The following LYSMD3 variants were observed in gnomAD, a reference collection of about 807,000 sequenced individuals.
LYSMD3 encodes the protein lysM and putative peptidoglycan-binding domain-containing protein 3.
A neutral mutation model predicts 26.1 loss-of-function variants in LYSMD3; 13 were observed. The ratio of observed to expected loss-of-function variants is 0.50; its 90% CI spans 0.32 to 0.79. The LOEUF (loss-of-function observed/expected upper bound fraction) is 0.79. Ranked by LOEUF, LYSMD3 falls within the 30% of genes least tolerant of loss-of-function variation. The probability of loss-of-function intolerance (pLI) is 0.03; values close to 1 mark genes in which losing one functional copy is unlikely to be tolerated. For missense variants in LYSMD3, 331 were observed against 362.5 expected, an observed-to-expected ratio of 0.91 and a Z score of 0.71; for synonymous variants, 109 against 119.4, an observed-to-expected ratio of 0.91 and a Z score of 0.57.
At chr5:90,521,774 T>C (rs1753094822) in intron 2 of LYSMD3, among the ~76,000 whole-genome samples, 1 of 152,104 alleles carries the variant, frequency 6.6e-6, no homozygotes, top group Non-Finnish European at 1.5e-5. Flanking sequence ...CTATGCCAAC[T>C]TCCTTGGTTG....
In LYSMD3 at chr5:90,518,963, T is replaced by C. The variant is rs200915022; in HGVS notation, c.777A>G (p.Leu259=). 8.5e-5 allele frequency: 137 copies of C among 1,614,086 alleles called. No individual in the cohort carries two copies. The African/African-American group carries it at 1.5e-3, about 17-fold the overall frequency. Residue 259 remains leucine (L), a synonymous_variant, in exon 3 of 3, where the codon TTA becomes TTG. Transcript: ENST00000315948. The part of the protein sequence containing the change: ...SHHSTVDSSH[L]HSKITPPSQQ... ...GTGATGGGGGTGTGATTTTTGAATG[T>C]AAATGTGAAGAGTCCACTGTTGAAT... is the stretch of plus-strand genomic sequence containing the variant.
intron 2 of LYSMD3, among the ~76,000 whole-genome samples, chr5:90,524,141 C>CT (rs754967948): frequency 1.3e-5 from 2 of 152,016 alleles, no homozygotes; most frequent in Non-Finnish European, 2.9e-5. Flanking sequence ...AGGGCAATGG[C>CT]TTAAAAATAC....
chr5:90,523,920 C>T (rs1405631605), intron 2 of LYSMD3, among the ~76,000 whole-genome samples: 1 of 152,068 alleles, frequency 6.6e-6, no homozygotes, highest in Non-Finnish European at 1.5e-5. Flanking sequence ...CCTGCTAAGG[C>T]CTCAAGATGG....
Position 90,516,631 on chromosome 5 carries a change from T to C in LYSMD3, c.*2188A>G, listed in dbSNP as rs1422711371. 3 of 152,288 alleles carry C rather than the reference T, an allele frequency of 2.0e-5. No individual in the cohort carries two copies. The highest frequency in any genetic ancestry group is 7.2e-5 in the African/African-American group (3 of 41,432). 9.4% of individuals were successfully genotyped at this position (152,288 alleles called of 1,614,324 possible). A position where few individuals can be genotyped will look rare whatever the true frequency, so the allele number is the denominator to read the frequency against. On this transcript the variant is annotated 3_prime_UTR_variant, in exon 3 of 3. Coordinates refer to ENST00000315948, the MANE Select transcript of LYSMD3 (RefSeq NM_198273.2). ...AAATTCATTTCTTTCCTAAACAGAT[T>C]AGAACCATAATTCAATATGTAACCT...
rs1432276986 is a variant in LYSMD3, at chr5:90,519,379, G to A, written c.361C>T (p.Leu121Phe). 6.2e-7 allele frequency: 1 copy of A among 1,614,046 alleles called. No individual in the cohort carries two copies. Among genetic ancestry groups the A allele is most frequent in the Non-Finnish European group, 8.5e-7 (1 of 1,179,976 alleles). ...VKKFSSLTET[L>F]CPPKGRQTSR... is the part of the protein sequence containing the mutation. The stretch of plus-strand genomic sequence containing the variant: ...GTCTGTCTTCCTTTTGGAGGACAAA[G>A]TGTTTCGGTCAAGGAACTGAACTTT... The change falls in exon 3 of 3, where the codon CTT becomes TTT. Residue 121 changes from leucine (L) to phenylalanine (F), a missense_variant. Leu to Phe is a conservative substitution (Grantham distance 22). This residue lies in a region of LYSMD3 where 262 missense variants were observed against 267.3 expected (regional missense o/e 0.98). Transcript: ENST00000315948.
intron 2 of LYSMD3, among the ~76,000 whole-genome samples, chr5:90,522,345 T>G (rs893117614): frequency 3.3e-5 from 5 of 152,190 alleles, no homozygotes; most frequent in African/African-American, 1.2e-4. Flanking sequence ...ACCTCTTTTC[T>G]TATAAACTAC....
rs1215868090 is a variant in LYSMD3 at position 90,518,781 on chromosome 5, G to A, written c.*38C>T. On this transcript the variant is annotated 3_prime_UTR_variant, in exon 3 of 3. Coordinates refer to ENST00000315948, the MANE Select transcript of LYSMD3 (RefSeq NM_198273.2). ...ATAACTGATTCACCACATTCCAGAT[G>A]CACATGTGACCACTAACATTTGATT... 2.4e-6 allele frequency: 2 copies of A among 829,022 alleles called. No individual in the cohort carries two copies. The highest frequency in any genetic ancestry group is 3.1e-5 in the East Asian group (1 of 32,040). The allele number at this position is 829,022 out of a possible 1,614,324, so 51.4% of individuals were successfully genotyped here. A position where few individuals can be genotyped will look rare whatever the true frequency, so the allele number is the denominator to read the frequency against.
intron 1 of LYSMD3, 144 bp downstream of exon 1, chr5:90,529,304 G>T (rs1171521069): frequency 2.3e-6 from 1 of 427,788 alleles, no homozygotes; most frequent in African/African-American, 2.0e-5. Flanking sequence ...CTGTCTCGGG[G>T]GTGTCCGCCA....
At chr5:90,522,264 GCT>G (rs1753112117) in intron 2 of LYSMD3, among the ~76,000 whole-genome samples, 1 of 152,178 alleles carries the variant, frequency 6.6e-6, no homozygotes, top group African/African-American at 2.4e-5. Context: ...TTAAGTAAAA[GCT>G]CTCTGAGGCC....
chr5:90,524,632 G>C (rs780205548), intron 2 of LYSMD3, among the ~76,000 whole-genome samples: 5 of 152,062 alleles, frequency 3.3e-5, no homozygotes, highest in Non-Finnish European at 5.9e-5. Flanking sequence ...TCGCTCGGTC[G>C]CCCAGGCTGG....
Position 90,519,082 on chromosome 5 carries a change from T to C in LYSMD3, c.658A>G (p.Thr220Ala). 6.2e-7 allele frequency: 1 copy of C among 1,614,140 alleles called. No homozygotes were observed. The highest frequency in any genetic ancestry group is 8.5e-7 in the Non-Finnish European group (1 of 1,179,986). The change falls in exon 3 of 3, where the codon ACA becomes GCA. Residue 220 changes from threonine (T) to alanine (A), a missense_variant. Thr to Ala is a moderately conservative substitution (Grantham distance 58). This residue lies in a region of LYSMD3 where 262 missense variants were observed against 267.3 expected (regional missense o/e 0.98). Coordinates refer to ENST00000315948, the MANE Select transcript of LYSMD3 (RefSeq NM_198273.2). ...ACTATCAACATTATCACTACAGCTG[T>C]CCACCACCCTATTCCCCAGTCTGCT... ...YGADWGIGWW[T>A]AVVIMLIVGI...
intron 2 of LYSMD3, among the ~76,000 whole-genome samples, chr5:90,524,132 G>C (rs1330265565): frequency 6.6e-6 from 1 of 152,052 alleles, no homozygotes; most frequent in Non-Finnish European, 1.5e-5. Flanking sequence ...TCAATTAATA[G>C]GGCAATGGCT....
chr5:90,521,116 A>G (rs1753079866), intron 2 of LYSMD3, among the ~76,000 whole-genome samples: 1 of 152,102 alleles, frequency 6.6e-6, no homozygotes, highest in African/African-American at 2.4e-5. Context: ...AGCATGGATA[A>G]CTGGGTTTGA....
intron 2 of LYSMD3, chr5:90,520,456 G>A (rs1473239527): frequency 6.6e-6 from 3 of 455,606 alleles, no homozygotes; most frequent in Admixed American, 2.4e-5. Flanking sequence ...ATTGAGAAAT[G>A]GAACACTGTG....
chr5:90,521,572 G>A (rs778003406), intron 2 of LYSMD3, among the ~76,000 whole-genome samples: 20 of 151,918 alleles, frequency 1.3e-4, no homozygotes, highest in African/African-American at 3.4e-4. Flanking sequence ...TACTACCTTC[G>A]CACTGTTTTG....
chr5:90,529,272 G>A, intron 1 of LYSMD3, 176 bp downstream of exon 1: 1 of 385,618 alleles, frequency 2.6e-6, no homozygotes, highest in Non-Finnish European at 5.2e-6. Context: ...GGGCCTGGCA[G>A]GGCTGGTCTG....
chr5:90,525,675 C>A (rs1306458168), intron 1 of LYSMD3, among the ~76,000 whole-genome samples: 2 of 152,134 alleles, frequency 1.3e-5, no homozygotes, highest in Non-Finnish European at 2.9e-5. Context: ...GTCTCGAACT[C>A]TTGACCTCAG....
At chr5:90,522,155 G>C (rs1247610533) in intron 2 of LYSMD3, among the ~76,000 whole-genome samples, 3 of 152,110 alleles carry the variant, frequency 2.0e-5, no homozygotes, top group African/African-American at 7.2e-5. Context: ...GTTCTTGTGA[G>C]ATCTGATTGT....
At position 90,527,612 on chromosome 5, in the gene LYSMD3, T is replaced by C. The variant is rs538473214; in HGVS notation, c.-12+1836A>G. ...CAAGAACTTTTGTGCACAAATCATA[T>C]AAAATTACCTTCCGACTATGTGTAT... On this transcript the variant is annotated intron_variant, in intron 1 of 2. Coordinates refer to ENST00000315948, the MANE Select transcript of LYSMD3 (RefSeq NM_198273.2). Among the ~76,000 whole-genome samples, 4 of 152,170 alleles carry C rather than the reference T, an allele frequency of 2.6e-5. No individual in the cohort carries two copies. The East Asian group carries it at 7.7e-4, about 29-fold the overall frequency.
Sources: allele counts gnomAD v4.1 joint callset (sites outside exome capture counted in the v4.1 genomes callset), GRCh38; gene constraint gnomAD v4.1.1; regional missense constraint gnomAD v4.1.1; transcripts MANE v1.5; gene names NCBI Gene and HGNC (gene_info 2026-07-23, HGNC 2026-07-21).